Variants in ZNF536 observed in about 807,000 individuals in gnomAD.
ZNF536 encodes zinc finger protein 536.
ZNF536 carries 13 observed loss-of-function variants against 84.5 expected under a neutral mutation model. The observed-to-expected ratio is 0.15, with a 90% CI of 0.10 to 0.24. The LOEUF is 0.24. Ranked by LOEUF, ZNF536 falls within the 10% of genes least tolerant of loss-of-function variation. ZNF536 has a pLI of 1.00. For synonymous variants in ZNF536, 811 were observed against 742.5 expected (o/e 1.09, Z -1.50); for missense variants, 1,536 against 1,747.5 (o/e 0.88, Z 2.16).
intron 2 of ZNF536, among the ~76,000 whole-genome samples, chr19:30,326,500 T>C (rs1445152232): frequency 9.2e-5 from 14 of 152,164 alleles, no homozygotes; most frequent in Admixed American, 9.2e-4. Flanking sequence ...ACAAGTCACT[T>C]TGGCTTTTTC....
chr19:30,610,961 G>A (rs939522546), intron 1 of ZNF536, among the ~76,000 whole-genome samples: 1 of 152,216 alleles, frequency 6.6e-6, no homozygotes, highest in Non-Finnish European at 1.5e-5. Context: ...CAAACTCGAA[G>A]AGCTTGGAGG....
intron 1 of ZNF536, among the ~76,000 whole-genome samples, chr19:30,404,249 A>G (rs1056153953): frequency 6.6e-6 from 1 of 152,172 alleles, no homozygotes; most frequent in Non-Finnish European, 1.5e-5. Flanking sequence ...GTCTGGGCGC[A>G]GAGCCCAGAC....
chr19:30,629,315 T>A (rs2048802770), intron 1 of ZNF536, among the ~76,000 whole-genome samples: 1 of 152,166 alleles, frequency 6.6e-6, no homozygotes, highest in South Asian at 2.1e-4. Flanking sequence ...TCCTCTTACC[T>A]CAGACTCCTA....
chr19:30,523,671 T>C (rs890361946), intron 2 of ZNF536, among the ~76,000 whole-genome samples: 1 of 152,056 alleles, frequency 6.6e-6, no homozygotes, highest in Admixed American at 6.5e-5. Flanking sequence ...TTTGTGGAAC[T>C]CTTTTCATAC....
intron 2 of ZNF536, among the ~76,000 whole-genome samples, chr19:30,289,507 C>G (rs2045760813): frequency 6.6e-6 from 1 of 152,342 alleles, no homozygotes; most frequent in African/African-American, 2.4e-5. Flanking sequence ...CCGGGGGCCC[C>G]CGTGCTTTCC....
chr19:30,559,280 A>C (rs2046073105), downstream of ZNF536, among the ~76,000 whole-genome samples: 1 of 152,208 alleles, frequency 6.6e-6, no homozygotes, highest in Non-Finnish European at 1.5e-5. Context: ...ACTGTGATGG[A>C]TCCCTAAATG....
At chr19:30,385,589 G>C (rs1054301936) in intron 1 of ZNF536, among the ~76,000 whole-genome samples, 1 of 151,160 alleles carries the variant, frequency 6.6e-6, no homozygotes, top group East Asian at 2.0e-4. Context: ...GACATTCAAG[G>C]CATCTCCCCA....
intron 1 of ZNF536, among the ~76,000 whole-genome samples, chr19:30,698,192 T>C (rs1172346873): frequency 1.3e-5 from 2 of 151,906 alleles, no homozygotes; most frequent in Non-Finnish European, 2.9e-5. Flanking sequence ...CGCAGGATGC[T>C]GAGTCTGGAG....
At chr19:30,543,182 G>A (rs1457802951) in intron 3 of ZNF536, among the ~76,000 whole-genome samples, 1 of 152,210 alleles carries the variant, frequency 6.6e-6, no homozygotes, top group Non-Finnish European at 1.5e-5. Flanking sequence ...TGTGCTCCAG[G>A]AGAGAACGGC....
chr19:30,637,432 C>T (rs1054282468), intron 1 of ZNF536, among the ~76,000 whole-genome samples: 5 of 152,220 alleles, frequency 3.3e-5, no homozygotes, highest in African/African-American at 1.2e-4. Flanking sequence ...CACCCACCAA[C>T]TCTTTCCAAA....
At chr19:30,466,727 A>G (rs185769613) in intron 2 of ZNF536, among the ~76,000 whole-genome samples, 9 of 143,080 alleles carry the variant, frequency 6.3e-5, no homozygotes, top group Admixed American at 2.8e-4. Flanking sequence ...GAAGGAAGGA[A>G]GGAGGGAGGG....
intron 1 of ZNF536, among the ~76,000 whole-genome samples, chr19:30,427,074 C>T (rs1179531511): frequency 2.0e-5 from 3 of 152,208 alleles, no homozygotes; most frequent in African/African-American, 7.2e-5. Context: ...AGATGCATAT[C>T]CACTAACTTG....
intron 1 of ZNF536, among the ~76,000 whole-genome samples, chr19:30,232,201 T>C (rs1050570555): frequency 6.6e-6 from 1 of 152,332 alleles, no homozygotes. Context: ...TCCTGTTGAC[T>C]GTGCCTGGTG....
At chr19:30,490,658 G>T (rs1287930328) in intron 2 of ZNF536, among the ~76,000 whole-genome samples, 2 of 152,072 alleles carry the variant, frequency 1.3e-5, no homozygotes, top group African/African-American at 2.4e-5. Flanking sequence ...AGGCCCTATT[G>T]TTATCCAAAG....
chr19:30,229,640 G>A (rs1379512513), intron 1 of ZNF536, among the ~76,000 whole-genome samples: 1 of 152,168 alleles, frequency 6.6e-6, no homozygotes, highest in Non-Finnish European at 1.5e-5. Flanking sequence ...GCCTCTGCTC[G>A]GGGAGAGCCC....
chr19:30,328,008 G>A (rs1017398818), intron 2 of ZNF536, among the ~76,000 whole-genome samples: 5 of 152,210 alleles, frequency 3.3e-5, no homozygotes, highest in Non-Finnish European at 5.9e-5. Context: ...CTCTCAGATA[G>A]GGTGGAACCT....
intron 2 of ZNF536, among the ~76,000 whole-genome samples, chr19:30,475,926 C>G (rs1376450018): frequency 6.6e-6 from 1 of 152,180 alleles, no homozygotes; most frequent in Non-Finnish European, 1.5e-5. Context: ...CTATGAAGCT[C>G]ACCCAGGAAC....
intron 1 of ZNF536, among the ~76,000 whole-genome samples, chr19:30,654,571 A>C (rs1211383140): frequency 6.6e-6 from 1 of 152,166 alleles, no homozygotes; most frequent in Non-Finnish European, 1.5e-5. Context: ...CACCTGGTTG[A>C]GTGATGAAAT....
intron 1 of ZNF536, among the ~76,000 whole-genome samples, chr19:30,564,618 A>G (rs1424072812): frequency 6.6e-6 from 1 of 152,092 alleles, no homozygotes; most frequent in Non-Finnish European, 1.5e-5. Context: ...GAGACCCCCA[A>G]GCGCAGCCCC....
Sources: allele counts gnomAD v4.1 joint callset (sites outside exome capture counted in the v4.1 genomes callset), GRCh38; gene constraint gnomAD v4.1.1; transcripts MANE v1.5; gene names NCBI Gene and HGNC (gene_info 2026-07-23, HGNC 2026-07-21).